KPNB1: variants seen among roughly 807,000 people sequenced by gnomAD.
KPNB1 encodes karyopherin subunit beta 1.
KPNB1 carries 7 observed loss-of-function variants against 113.0 expected under a neutral mutation model. That is an observed-to-expected ratio of 0.06 (90% CI 0.04 to 0.12). KPNB1 has a LOEUF of 0.12. Ranked by LOEUF, KPNB1 falls within the 10% of genes least tolerant of loss-of-function variation. The pLI is 1.00. For synonymous variants in KPNB1, 363 were observed against 378.6 expected (o/e 0.96, Z 0.48); for missense variants, 400 against 1,054.8 (o/e 0.38, Z 8.60).
Position 47,678,472 on chromosome 17 carries a change from G to A in KPNB1, c.2353+59G>A, listed in dbSNP as rs2030676896. The A allele has an allele frequency of 2.5e-6, 3 of 1,191,912 alleles. No homozygotes were observed. In the Admixed American group the frequency reaches 5.2e-5, roughly 21 times the overall value. 73.8% of individuals were successfully genotyped at this position (1,191,912 alleles called of 1,614,324 possible). ...CGCCAATGTGCACTTAGCCAAGTGGGCTATGTCTGTCATTCTGTAGCTCGC... is the reference window on the plus strand; with the variant it reads ...CGCCAATGTGCACTTAGCCAAGTGGACTATGTCTGTCATTCTGTAGCTCGC... On this transcript the variant is annotated intron_variant, in intron 19 of 21. Transcript: ENST00000290158.
chr17:47,674,576 G>A, intron 14 of KPNB1, 62 bp from the exon 15 acceptor site: 3 of 1,494,238 alleles, frequency 2.0e-6, no homozygotes, highest in Non-Finnish European at 1.8e-6. Flanking sequence ...AAAAGAAAAG[G>A]TATAGTGTTC....
intron 8 of KPNB1, among the ~76,000 whole-genome samples, chr17:47,664,659 G>C (rs561782118): frequency 3.9e-5 from 6 of 152,274 alleles, no homozygotes; most frequent in Non-Finnish European, 8.8e-5. Context: ...AGAATGGGGA[G>C]TTCTGTACTT....
chr17:47,677,976 T>C, intron 17 of KPNB1, 70 bp from the exon 18 acceptor site: 2 of 1,461,354 alleles, frequency 1.4e-6, no homozygotes, highest in Non-Finnish European at 9.4e-7. Context: ...TTGTTAGAAA[T>C]GAAATTTTCA....
chr17:47,670,854 T>C (rs1443828607), intron 12 of KPNB1, 22 bp downstream of exon 12: 2 of 1,587,692 alleles, frequency 1.3e-6, no homozygotes, highest in Non-Finnish European at 1.7e-6. Context: ...TTCACAGAAA[T>C]GAGTGACGTC....
intron 6 of KPNB1, among the ~76,000 whole-genome samples, chr17:47,661,806 TAAAC>T (rs933659284): frequency 1.3e-5 from 2 of 152,040 alleles, no homozygotes; most frequent in African/African-American, 2.4e-5. Flanking sequence ...TATACACAAA[TAAAC>T]AGTTAAGGGA....
At chr17:47,677,928 TA>T in intron 17 of KPNB1, 117 bp from the exon 18 acceptor site, 2 of 1,034,000 alleles carry the variant, frequency 1.9e-6, no homozygotes, top group Non-Finnish European at 2.9e-6. Flanking sequence ...TTTTGTAAGC[TA>T]TAAAGGACCA....
At chr17:47,657,561 G>T (rs2029944801) in intron 4 of KPNB1, among the ~76,000 whole-genome samples, 1 of 152,196 alleles carries the variant, frequency 6.6e-6, no homozygotes, top group Admixed American at 6.6e-5. Flanking sequence ...AAGCAAAGGA[G>T]CCCACAGCAC....
rs753004936 is a variant in KPNB1, at chr17:47,678,060, C to T, written c.2118C>T (p.His706=). The T allele has an allele frequency of 6.2e-7, 1 of 1,614,162 alleles. No individual in the cohort carries two copies. Among genetic ancestry groups the T allele is most frequent in the South Asian group, 1.1e-5 (1 of 91,074 alleles). The part of the protein sequence containing the change: ...LLENLGNENV[H]RSVKPQILSV... The stretch of plus-strand genomic sequence containing the variant: ...TTCCTTGTCAGAATGAGAACGTCCA[C>T]AGGTCTGTGAAGCCGCAGATTCTGT... The change falls in exon 18 of 22, where the codon CAC becomes CAT. Residue 706 remains histidine, a synonymous_variant. Coordinates refer to ENST00000290158, the MANE Select transcript of KPNB1 (RefSeq NM_002265.6).
chr17:47,667,718 C>A (rs1450873280), intron 9 of KPNB1, among the ~76,000 whole-genome samples: 1 of 151,798 alleles, frequency 6.6e-6, no homozygotes, highest in African/African-American at 2.4e-5. Flanking sequence ...CCACCACACC[C>A]AGCTAATTTT....
intron 3 of KPNB1, among the ~76,000 whole-genome samples, chr17:47,656,242 C>T (rs1024665025): frequency 3.2e-4 from 47 of 144,932 alleles, no homozygotes; most frequent in African/African-American, 1.1e-3. Context: ...CTGGGGGACA[C>T]GAGCGAGACT....
At chr17:47,657,330 C>T (rs2029938121) in intron 4 of KPNB1, among the ~76,000 whole-genome samples, 1 of 152,310 alleles carries the variant, frequency 6.6e-6, no homozygotes. Context: ...AGGATATTCT[C>T]ATTTGGATTA....
At chr17:47,650,510 C>T (rs1050327540) in intron 2 of KPNB1, 66 bp downstream of exon 2, 4 of 1,464,940 alleles carry the variant, frequency 2.7e-6, no homozygotes, top group East Asian at 4.9e-5. Flanking sequence ...GCCTTCCCGC[C>T]CTCCCGGAGG....
intron 17 of KPNB1, 33 bp downstream of exon 17, chr17:47,677,160 C>T: frequency 6.9e-7 from 1 of 1,455,172 alleles, no homozygotes; most frequent in Non-Finnish European, 9.6e-7. Context: ...ATTAACCAGT[C>T]TTCTTTGAAG....
intron 8 of KPNB1, among the ~76,000 whole-genome samples, chr17:47,664,516 G>A (rs2030206306): frequency 2.0e-5 from 3 of 152,152 alleles, no homozygotes; most frequent in Admixed American, 2.0e-4. Context: ...GTGAACACAA[G>A]GGGGCAGCAG....
At chr17:47,658,708 A>G (rs2029985585) in intron 5 of KPNB1, 48 bp downstream of exon 5, 1 of 1,516,064 alleles carries the variant, frequency 6.6e-7, no homozygotes, top group Non-Finnish European at 9.0e-7. Flanking sequence ...AAGGGATGAA[A>G]GAGTTGAATG....
chr17:47,655,263 CT>C (rs1915686642), intron 3 of KPNB1, among the ~76,000 whole-genome samples: 1 of 152,178 alleles, frequency 6.6e-6, no homozygotes, highest in Non-Finnish European at 1.5e-5. Flanking sequence ...GTGGCTTCAT[CT>C]TTTATCATAC....
intron 12 of KPNB1, 131 bp downstream of exon 12, chr17:47,670,963 T>A: frequency 2.3e-6 from 2 of 872,074 alleles, no homozygotes; most frequent in Non-Finnish European, 3.4e-6. Flanking sequence ...CTAGAGGAAT[T>A]AAAAGAAACC....
intron 8 of KPNB1, among the ~76,000 whole-genome samples, chr17:47,664,786 A>G (rs898012862): frequency 1.3e-5 from 2 of 152,198 alleles, no homozygotes; most frequent in Non-Finnish European, 2.9e-5. Flanking sequence ...TGTTGATCCA[A>G]GGAACACTGA....
intron 10 of KPNB1, among the ~76,000 whole-genome samples, chr17:47,669,050 A>G (rs1161080156): frequency 6.6e-6 from 1 of 151,318 alleles, no homozygotes; most frequent in Non-Finnish European, 1.5e-5. Flanking sequence ...GCCAGATGCC[A>G]TCATAGCTGC....
Sources: allele counts gnomAD v4.1 joint callset (sites outside exome capture counted in the v4.1 genomes callset), GRCh38; gene constraint gnomAD v4.1.1; transcripts MANE v1.5; gene names NCBI Gene and HGNC (gene_info 2026-07-23, HGNC 2026-07-21).